The following OR2L13 variants were observed in gnomAD, a reference collection of about 807,000 sequenced individuals.
OR2L13 encodes the protein olfactory receptor 2L13.
OR2L13 carries 14 observed loss-of-function variants against 15.3 expected under a neutral mutation model. The observed-to-expected ratio is 0.91, with a 90% CI of 0.60 to 1.43. The LOEUF is 1.43. Among genes scored for constraint, OR2L13 ranks in the 40% most tolerant of loss-of-function variants. The pLI is 0.00. For synonymous variants in OR2L13, 152 were observed against 142.9 expected (o/e 1.06, Z -0.45); for missense variants, 367 against 387.9 (o/e 0.95, Z 0.45).
At chr1:248,068,689 A>G in the OR2L13 span, among the ~76,000 whole-genome samples, 2 of 152,364 alleles carry the variant, frequency 1.3e-5, no homozygotes, top group African/African-American at 4.8e-5. Flanking sequence ...CTACAGGAGG[A>G]AATTCAAACC....
chr1:248,061,145 C>T, the OR2L13 span: 1 of 1,613,448 alleles, frequency 6.2e-7, no homozygotes, highest in Non-Finnish European at 8.5e-7. Flanking sequence ...TCGATCAATG[C>T]TTGTGCTCAC....
At chr1:247,963,372 A>T in the OR2L13 span, among the ~76,000 whole-genome samples, 3 of 152,168 alleles carry the variant, frequency 2.0e-5, no homozygotes, top group Non-Finnish European at 2.9e-5. Flanking sequence ...TATTCTAATT[A>T]TAATGAGCAG....
chr1:248,073,440 C>T, the OR2L13 span, among the ~76,000 whole-genome samples: 34 of 150,408 alleles, frequency 2.3e-4, no homozygotes, highest in Admixed American at 4.6e-4. Flanking sequence ...AATACATGGA[C>T]ATAGGAAGGG....
the OR2L13 span, among the ~76,000 whole-genome samples, chr1:248,036,729 A>G: frequency 1.3e-5 from 2 of 152,172 alleles, no homozygotes; most frequent in African/African-American, 4.8e-5. Flanking sequence ...AACCACCTCT[A>G]CCCAGAAAAC....
the OR2L13 span, among the ~76,000 whole-genome samples, chr1:247,967,044 A>C: frequency 3.7e-5 from 2 of 53,830 alleles, no homozygotes; most frequent in African/African-American, 9.2e-5. Flanking sequence ...CACACCACAC[A>C]CCACACACAC....
the OR2L13 span, among the ~76,000 whole-genome samples, chr1:247,976,804 T>C: frequency 6.6e-6 from 1 of 152,230 alleles, no homozygotes; most frequent in South Asian, 2.1e-4. Flanking sequence ...TTATGTTCTC[T>C]TCATCTTAAG....
the OR2L13 span, among the ~76,000 whole-genome samples, chr1:248,028,545 A>G: frequency 6.6e-6 from 1 of 152,236 alleles, no homozygotes; most frequent in Non-Finnish European, 1.5e-5. Context: ...GACATGGAAA[A>G]ATGTAAAATA....
At chr1:248,003,346 C>T in the OR2L13 span, 1 of 1,601,648 alleles carries the variant, frequency 6.2e-7, no homozygotes, top group Admixed American at 1.7e-5. Context: ...ACCTAAATTA[C>T]ATCTCCACCA....
the OR2L13 span, among the ~76,000 whole-genome samples, chr1:248,008,600 AC>A: frequency 1.3e-5 from 2 of 152,106 alleles, no homozygotes; most frequent in African/African-American, 4.8e-5. Context: ...AGACTTTAAC[AC>A]CCCACTGTCA....
the OR2L13 span, among the ~76,000 whole-genome samples, chr1:247,952,825 T>A: frequency 6.6e-6 from 1 of 152,198 alleles, no homozygotes; most frequent in Non-Finnish European, 1.5e-5. Flanking sequence ...GACCTAGCTC[T>A]GTGATTTTCT....
At chr1:248,024,722 T>C in the OR2L13 span, among the ~76,000 whole-genome samples, 2 of 152,200 alleles carry the variant, frequency 1.3e-5, no homozygotes, top group Non-Finnish European at 2.9e-5. Flanking sequence ...GTTGTAGATA[T>C]GTGGTGTTAT....
chr1:247,959,972 A>G, the OR2L13 span, among the ~76,000 whole-genome samples: 3 of 152,128 alleles, frequency 2.0e-5, no homozygotes, highest in African/African-American at 7.2e-5. Context: ...GCTTTGTTCC[A>G]TTGCTGGTGA....
chr1:248,076,092 T>A, the OR2L13 span, among the ~76,000 whole-genome samples: 10 of 152,070 alleles, frequency 6.6e-5, no homozygotes, highest in Non-Finnish European at 1.3e-4. Context: ...CAGCACCATT[T>A]TTAAATAGGG....
chr1:248,027,095 G>C, the OR2L13 span, among the ~76,000 whole-genome samples: 1 of 152,150 alleles, frequency 6.6e-6, no homozygotes, highest in Non-Finnish European at 1.5e-5. Flanking sequence ...TCTCAGCAAG[G>C]AACAGCCCTG....
the OR2L13 span, among the ~76,000 whole-genome samples, chr1:247,978,456 G>A: frequency 6.6e-6 from 1 of 152,084 alleles, no homozygotes; most frequent in Non-Finnish European, 1.5e-5. Context: ...TTGAATCTTG[G>A]ATCTTTGGGA....
the OR2L13 span, among the ~76,000 whole-genome samples, chr1:248,002,241 A>C: frequency 1.3e-5 from 2 of 152,178 alleles, no homozygotes; most frequent in Non-Finnish European, 2.9e-5. Context: ...CAGTAAATTT[A>C]AGTGATTTTT....
chr1:248,040,264 G>A, the OR2L13 span: 3 of 152,196 alleles, frequency 2.0e-5, no homozygotes, highest in African/African-American at 7.2e-5. Flanking sequence ...TCCATTCTCT[G>A]AGTGAAAGGC....
chr1:248,013,829 C>T, the OR2L13 span: 8 of 152,172 alleles, frequency 5.3e-5, 1 homozygote, highest in South Asian at 1.0e-3. Flanking sequence ...TTTCAGAAAT[C>T]GAACTGAAGT....
the OR2L13 span, chr1:248,024,171 C>T: frequency 6.6e-6 from 1 of 151,870 alleles, no homozygotes. Flanking sequence ...AGTTTTAAGC[C>T]CCATATGCTT....
Sources: allele counts gnomAD v4.1 joint callset (sites outside exome capture counted in the v4.1 genomes callset), GRCh38; gene constraint gnomAD v4.1.1; transcripts MANE v1.5; gene names NCBI Gene and HGNC (gene_info 2026-07-23, HGNC 2026-07-21).